The following TYW1B variants were observed in gnomAD, a reference collection of about 807,000 sequenced individuals.
TYW1B encodes tRNA-yW synthesizing protein 1 homolog B.
In TYW1B, 73 loss-of-function variants were observed where a neutral mutation model predicts 86.9. The ratio of observed to expected loss-of-function variants is 0.84; its 90% CI spans 0.70 to 1.02. The LOEUF (loss-of-function observed/expected upper bound fraction) is 1.02, where lower values mean the gene tolerates loss of function less well. Ranked by LOEUF, TYW1B falls within the 50% of genes least tolerant of loss-of-function variation. The pLI is 0.00. For missense variants in TYW1B, 637 were observed against 827.4 expected, an observed-to-expected ratio of 0.77 and a Z score of 2.82; for synonymous variants, 248 against 292.8, an observed-to-expected ratio of 0.85 and a Z score of 1.56.
intron 11 of TYW1B, among the ~76,000 whole-genome samples, chr7:72,680,525 A>C (rs3015922): frequency 1.3e-5 from 2 of 151,980 alleles, no homozygotes; most frequent in African/African-American, 2.4e-5. Context: ...GAAGGCTGCA[A>C]TGTCAGCTTC....
chr7:72,790,366 A>G (rs1434072937), intron 6 of TYW1B, among the ~76,000 whole-genome samples: 4 of 152,144 alleles, frequency 2.6e-5, no homozygotes, highest in Non-Finnish European at 4.4e-5. Flanking sequence ...CAGGAGGAAG[A>G]GGGGGTGCTC....
chr7:72,784,166 G>A (rs1277771104), intron 6 of TYW1B, among the ~76,000 whole-genome samples: 2 of 148,068 alleles, frequency 1.4e-5, no homozygotes, highest in Admixed American at 1.3e-4. Context: ...AGTAGCAATA[G>A]GCTTTACATT....
At chr7:72,790,884 G>A (rs1585986096) in intron 6 of TYW1B, among the ~76,000 whole-genome samples, 1 of 152,212 alleles carries the variant, frequency 6.6e-6, no homozygotes, top group Admixed American at 6.5e-5. Context: ...GAGGGTCTGG[G>A]AGCCCGGCCC....
At chr7:72,709,474 C>CA (rs1814693023) in intron 10 of TYW1B, among the ~76,000 whole-genome samples, 1 of 65,240 alleles carries the variant, frequency 1.5e-5, no homozygotes, top group Non-Finnish European at 3.2e-5. Context: ...CGAGACCATC[C>CA]TGCTAACACG....
In TYW1B at chr7:72,815,407, A is replaced by G; in HGVS notation, c.210T>C (p.Tyr70=). 1 of 1,607,200 alleles carries G rather than the reference A, an allele frequency of 6.2e-7. No homozygotes were observed. Among genetic ancestry groups the G allele is most frequent in the African/African-American group, 1.3e-5 (1 of 74,602 alleles). Residue 70 remains tyrosine, a synonymous_variant, in exon 3 of 14, where the codon TAT becomes TAC. Transcript: ENST00000620995. ...LPVAIINLKE[Y]DPDDHLIEEV... ...CTTCTATCAGATGATCATCTGGATCATATTCTTTTAGATTAATAATGGCCA... is the reference window on the plus strand; with the variant it reads ...CTTCTATCAGATGATCATCTGGATCGTATTCTTTTAGATTAATAATGGCCA...
chr7:72,728,026 T>C (rs868979417), intron 9 of TYW1B, among the ~76,000 whole-genome samples: 6 of 151,924 alleles, frequency 3.9e-5, no homozygotes, highest in Non-Finnish European at 5.9e-5. Context: ...AAAAATGGAG[T>C]GGCTGAATTT....
At chr7:72,606,769 C>T (rs1264045444) in intron 13 of TYW1B, among the ~76,000 whole-genome samples, 9 of 151,726 alleles carry the variant, frequency 5.9e-5, no homozygotes, top group Non-Finnish European at 1.5e-5. Context: ...TACAGTAGGT[C>T]AATAGAAGCT....
chr7:72,623,976 AT>A lies in TYW1B; in HGVS notation c.1617+4910del, dbSNP rs536933132. Among the ~76,000 whole-genome samples the A allele has an allele frequency of 2.0e-5, 3 of 151,974 alleles. No homozygotes were observed. The South Asian group carries it at 6.3e-4, about 32-fold the overall frequency. ...GCCACCACACCCAGCTAATTTTTGT[AT>A]TTTTAGTAGAGACAGGGTTTCACCA... On this transcript the variant is annotated intron_variant, in intron 12 of 13. Transcript: ENST00000620995.
chr7:72,668,146 A>C (rs1554445668), intron 11 of TYW1B, among the ~76,000 whole-genome samples: 3 of 152,354 alleles, frequency 2.0e-5, no homozygotes, highest in African/African-American at 7.2e-5. Context: ...AATTTCATTA[A>C]ACTTTTAAAG....
intron 6 of TYW1B, among the ~76,000 whole-genome samples, chr7:72,800,016 AT>A (rs782010155): frequency 6.6e-6 from 1 of 152,096 alleles, no homozygotes; most frequent in African/African-American, 2.4e-5. Context: ...CTTTAAAATC[AT>A]TCATAAATTT....
intron 11 of TYW1B, among the ~76,000 whole-genome samples, chr7:72,644,485 T>G (rs1554441806): frequency 6.6e-6 from 1 of 151,862 alleles, no homozygotes; most frequent in East Asian, 1.9e-4. Context: ...GAGGCAGAGG[T>G]TGCAGTAAAA....
intron 11 of TYW1B, among the ~76,000 whole-genome samples, chr7:72,643,294 G>T (rs1306005129): frequency 2.6e-5 from 4 of 152,102 alleles, no homozygotes; most frequent in Non-Finnish European, 4.4e-5. Context: ...TTAATGGAAA[G>T]AATAAGAAAC....
chr7:72,596,977 C>T (rs1198478959), intron 13 of TYW1B, among the ~76,000 whole-genome samples: 1 of 151,734 alleles, frequency 6.6e-6, no homozygotes, highest in South Asian at 2.1e-4. Flanking sequence ...TAGAAATGGA[C>T]AATAAGCACA....
At position 72,827,000 on chromosome 7, in the gene TYW1B, A is replaced by G. The variant is rs1554481553; in HGVS notation, c.5-15T>C. 2 of 1,594,992 alleles carry G rather than the reference A, an allele frequency of 1.3e-6. No individual in the cohort carries two copies. Among genetic ancestry groups the G allele is most frequent in the Middle Eastern group, 3.3e-4 (2 of 5,996 alleles). On this transcript the variant is annotated splice_polypyrimidine_tract_variant and intron_variant, in intron 1 of 13. Coordinates refer to ENST00000620995, the MANE Select transcript of TYW1B (RefSeq NM_001145440.3). ...CGCAGAAGGATCTAAATTTAAAATG[A>G]CACACACAGATAATTTCATTTAAAG...
intron 8 of TYW1B, among the ~76,000 whole-genome samples, chr7:72,735,536 C>T (rs1440525324): frequency 6.8e-6 from 1 of 147,764 alleles, no homozygotes; most frequent in Admixed American, 6.9e-5. Context: ...TGTGTCACTG[C>T]ACTCCAGCCT....
chr7:72,609,510 G>C (rs1811883753), intron 13 of TYW1B, among the ~76,000 whole-genome samples: 2 of 152,132 alleles, frequency 1.3e-5, no homozygotes, highest in African/African-American at 4.8e-5. Flanking sequence ...AATGAGCCAT[G>C]TTCACACCAC....
rs34493757 is a variant in TYW1B, at chr7:72,693,632, C to T, written c.1506+1055G>A. ...CTGGTCTTGAACTCCTGACCTCAAG[C>T]GATCTGCCCACCTTGGCCTCTCAAA... On this transcript the variant is annotated intron_variant, in intron 11 of 13. Transcript: ENST00000620995. 9.2e-5 allele frequency among the ~76,000 whole-genome samples: 14 copies of T among 151,364 alleles called. No individual in the cohort carries two copies. The South Asian group carries it at 1.1e-3, about 11-fold the overall frequency.
intron 7 of TYW1B, among the ~76,000 whole-genome samples, chr7:72,746,190 T>C (rs1554463784): frequency 6.6e-6 from 1 of 152,108 alleles, no homozygotes; most frequent in African/African-American, 2.4e-5. Context: ...TACTAGCTTA[T>C]TTACTGTCAG....
rs1442093887 is a variant in TYW1B at position 72,813,001 on chromosome 7, T to C, written c.238-2336A>G. Among the ~76,000 whole-genome samples, 4 of 151,994 alleles carry C rather than the reference T, an allele frequency of 2.6e-5. No individual in the cohort carries two copies. In the East Asian group the frequency reaches 7.7e-4, roughly 29 times the overall value. ...GAGCCACCCCACCTGGCCTCTGTTT[T>C]TTTTAAAGAAAGTTTTAGTGGAACA... On this transcript the variant is annotated intron_variant, in intron 3 of 13. Coordinates refer to ENST00000620995, the MANE Select transcript of TYW1B (RefSeq NM_001145440.3).
Sources: gnomAD v4.1 joint callset for allele counts (sites outside exome capture counted in the v4.1 genomes callset) on GRCh38, gnomAD v4.1.1 for gene constraint, MANE v1.5 for transcripts, NCBI Gene and HGNC (gene_info 2026-07-23, HGNC 2026-07-21) for gene names.